Variants in SYN3 observed in about 807,000 individuals in gnomAD.
The protein encoded by SYN3 is synapsin-3.
Under a neutral mutation model 65.8 loss-of-function variants are expected in SYN3, and 35 were observed. That is an observed-to-expected ratio of 0.53 (90% CI 0.41 to 0.70). The LOEUF (loss-of-function observed/expected upper bound fraction) is 0.70. SYN3 is among the 30% of genes least tolerant of loss of function. SYN3 has a pLI of 0.00. For synonymous variants in SYN3, 270 were observed against 292.9 expected (o/e 0.92, Z 0.80); for missense variants, 680 against 749.0 (o/e 0.91, Z 1.08).
At chr22:32,832,540 G>C (rs2047604485) in intron 6 of SYN3, among the ~76,000 whole-genome samples, 2 of 148,522 alleles carry the variant, frequency 1.3e-5, no homozygotes, top group Non-Finnish European at 3.0e-5. Flanking sequence ...AATAAGCCTG[G>C]GTTTTTTTTT....
At chr22:32,835,589 G>C (rs747351444) in intron 6 of SYN3, among the ~76,000 whole-genome samples, 1 of 152,158 alleles carries the variant, frequency 6.6e-6, no homozygotes, top group South Asian at 2.1e-4. Context: ...AGATAGAATG[G>C]TATGTGCAAA....
intron 4 of SYN3, among the ~76,000 whole-genome samples, chr22:32,884,809 G>A (rs538824847): frequency 2.7e-4 from 41 of 152,224 alleles, no homozygotes; most frequent in African/African-American, 7.9e-4. Context: ...CCAGGGAGTC[G>A]GAAGTTGCAG....
intron 6 of SYN3, among the ~76,000 whole-genome samples, chr22:32,739,407 C>T (rs540535797): frequency 1.3e-5 from 2 of 150,216 alleles, no homozygotes; most frequent in Non-Finnish European, 3.0e-5. Context: ...TACCCAGTCT[C>T]GGGTATGTCT....
chr22:32,927,201 C>A (rs1298587435), intron 4 of SYN3, among the ~76,000 whole-genome samples: 2 of 151,086 alleles, frequency 1.3e-5, no homozygotes, highest in East Asian at 3.9e-4. Flanking sequence ...CAACCATTTA[C>A]TTTGTGTTAT....
intron 6 of SYN3, among the ~76,000 whole-genome samples, chr22:32,650,250 CCTCCCTCCCTCTCTCT>C (rs2060046984): frequency 9.8e-6 from 1 of 102,490 alleles, no homozygotes; most frequent in East Asian, 3.2e-4. Flanking sequence ...TCCCTCCCTC[CCTCCCTCCCTCTCTCT>C]CTCTCTCTCT....
intron 6 of SYN3, among the ~76,000 whole-genome samples, chr22:32,638,450 T>C (rs1283131465): frequency 6.6e-6 from 1 of 152,238 alleles, no homozygotes; most frequent in Non-Finnish European, 1.5e-5. Context: ...CATTCCCTTT[T>C]CTCTGCAGCC....
intron 3 of SYN3, among the ~76,000 whole-genome samples, chr22:32,937,454 C>A (rs760255192): frequency 1.2e-4 from 19 of 152,172 alleles, no homozygotes; most frequent in Non-Finnish European, 2.2e-4. Flanking sequence ...GTGGGCTGAA[C>A]AGACTTCTGC....
intron 6 of SYN3, among the ~76,000 whole-genome samples, chr22:32,746,719 T>C (rs2044943754): frequency 6.6e-6 from 1 of 152,204 alleles, no homozygotes; most frequent in African/African-American, 2.4e-5. Context: ...AACTGGACCA[T>C]GAGCTCCTGA....
intron 2 of SYN3, among the ~76,000 whole-genome samples, chr22:32,996,289 A>G (rs1481458321): frequency 6.8e-6 from 1 of 146,548 alleles, no homozygotes; most frequent in Admixed American, 6.9e-5. Flanking sequence ...AGTTGGTCCA[A>G]TATGGGTAGG....
At position 32,903,284 on chromosome 22, in the gene SYN3, T is replaced by A. The variant is rs551694167; in HGVS notation, c.461+28106A>T. Among the ~76,000 whole-genome samples the A allele has an allele frequency of 7.2e-5, 11 of 152,350 alleles. No homozygotes were observed. The South Asian group carries it at 2.1e-3, about 29-fold the overall frequency. On this transcript the variant is annotated intron_variant, in intron 4 of 13. Transcript: ENST00000358763. ...TGAAGACTAAATTAATTAACATGCC[T>A]GGCACATAGTAAACATTATGTAAGT...
chr22:32,941,834 C>T (rs141651463), intron 3 of SYN3, among the ~76,000 whole-genome samples: 21 of 152,340 alleles, frequency 1.4e-4, no homozygotes, highest in Admixed American at 2.6e-4. Flanking sequence ...CCCACGCCCA[C>T]GGAGCCTCGC....
At chr22:32,930,036 C>T (rs1245855227) in intron 4 of SYN3, among the ~76,000 whole-genome samples, 1 of 152,086 alleles carries the variant, frequency 6.6e-6, no homozygotes, top group Non-Finnish European at 1.5e-5. Context: ...TGACCTAGCC[C>T]ACCGTTACTG....
At chr22:32,873,240 C>T (rs1343798883) in intron 4 of SYN3, among the ~76,000 whole-genome samples, 5 of 152,138 alleles carry the variant, frequency 3.3e-5, no homozygotes, top group African/African-American at 7.2e-5. Context: ...CGTGAGCCAC[C>T]GTGCCCGGCC....
At position 32,554,641 on chromosome 22, in the gene SYN3, G is replaced by A. The variant is rs371196667; in HGVS notation, c.775-12928C>T. Among the ~76,000 whole-genome samples the A allele has an allele frequency of 4.9e-4, 74 of 152,238 alleles. 1 individual carries two copies. The highest frequency in any genetic ancestry group is 1.4e-3 in the African/African-American group (58 of 41,536). On this transcript the variant is annotated intron_variant, in intron 7 of 13. Coordinates refer to ENST00000358763, the MANE Select transcript of SYN3 (RefSeq NM_003490.4). ...CCTGCTTTCTTTAAAATAGCCAATC[G>A]GAATTAGCTTAGACTGTATGGTCCA...
intron 9 of SYN3, among the ~76,000 whole-genome samples, chr22:32,537,596 C>T (rs537990163): frequency 2.1e-4 from 32 of 152,256 alleles, no homozygotes; most frequent in Non-Finnish European, 3.8e-4. Flanking sequence ...GATGGAAGGA[C>T]GCTTGAGAGA....
intron 6 of SYN3, among the ~76,000 whole-genome samples, chr22:32,809,842 T>G (rs530288527): frequency 1.3e-5 from 2 of 152,338 alleles, no homozygotes; most frequent in South Asian, 4.1e-4. Flanking sequence ...TTCTTTGGTA[T>G]ATCGCTGTCC....
At chr22:32,893,894 T>C (rs1410693989) in intron 4 of SYN3, among the ~76,000 whole-genome samples, 3 of 152,090 alleles carry the variant, frequency 2.0e-5, no homozygotes, top group African/African-American at 4.8e-5. Flanking sequence ...ACAGTGCACA[T>C]TTGTTTCACA....
At position 32,693,477 on chromosome 22, in the gene SYN3, T is replaced by C. The variant is rs1032535747; in HGVS notation, c.712-96741A>G. On this transcript the variant is annotated intron_variant, in intron 6 of 13. Coordinates refer to ENST00000358763, the MANE Select transcript of SYN3 (RefSeq NM_003490.4). ...TTCATTTAATGTTTTTGAACTGAGA[T>C]TGAGCTCTGGTAACTAAAAACTGGG... Among the ~76,000 whole-genome samples the C allele has an allele frequency of 7.7e-4, 117 of 152,148 alleles. 5 individuals carry two copies. Among genetic ancestry groups the C allele is most frequent in the Non-Finnish European group, 2.4e-4 (16 of 68,004 alleles).
At chr22:32,830,560 T>A (rs974355652) in intron 6 of SYN3, among the ~76,000 whole-genome samples, 1 of 152,130 alleles carries the variant, frequency 6.6e-6, no homozygotes, top group African/African-American at 2.4e-5. Flanking sequence ...TGACCTTTCT[T>A]ATTGTGTCCC....
Sources: gnomAD v4.1 joint callset for allele counts (sites outside exome capture counted in the v4.1 genomes callset) on GRCh38, gnomAD v4.1.1 for gene constraint, MANE v1.5 for transcripts, NCBI Gene and HGNC (gene_info 2026-07-23, HGNC 2026-07-21) for gene names.